The following PLCB4 variants were observed in gnomAD, a reference collection of about 807,000 sequenced individuals.
PLCB4 encodes the protein phospholipase C beta 4.
PLCB4 carries 77 observed loss-of-function variants against 178.8 expected under a neutral mutation model. The observed-to-expected ratio is 0.43, with a 90% confidence interval of 0.36 to 0.52. The LOEUF (loss-of-function observed/expected upper bound fraction) is 0.52. PLCB4 is among the 20% of genes least tolerant of loss of function. The pLI is 0.00. For synonymous variants in PLCB4, 496 were observed against 490.8 expected (o/e 1.01, Z -0.14); for missense variants, 1,024 against 1,453.4 (o/e 0.70, Z 4.80).
At chr20:9,243,212 G>T (rs993798372) in intron 3 of PLCB4, among the ~76,000 whole-genome samples, 19 of 152,104 alleles carry the variant, frequency 1.2e-4, no homozygotes, top group Admixed American at 8.5e-4. Flanking sequence ...ATTGTTAATA[G>T]AATAGAAATT....
At chr20:9,207,565 C>G (rs978994034) in intron 2 of PLCB4, among the ~76,000 whole-genome samples, 3 of 152,216 alleles carry the variant, frequency 2.0e-5, no homozygotes, top group Non-Finnish European at 2.9e-5. Flanking sequence ...GTCTGTGCTG[C>G]CTGTGGCTGG....
chr20:9,404,574 C>T (rs1292491285), intron 20 of PLCB4, among the ~76,000 whole-genome samples: 3 of 141,668 alleles, frequency 2.1e-5, no homozygotes, highest in African/African-American at 8.1e-5. Context: ...CACTGCACTC[C>T]AGCCTGGGCA....
chr20:9,424,242 T>C (rs1179394913), intron 28 of PLCB4, among the ~76,000 whole-genome samples: 1 of 152,220 alleles, frequency 6.6e-6, no homozygotes, highest in Non-Finnish European at 1.5e-5. Flanking sequence ...AGGGTATATT[T>C]ATATTGACAA....
intron 26 of PLCB4, 110 bp from the exon 27 acceptor site, chr20:9,421,187 G>T: frequency 1.3e-6 from 1 of 775,606 alleles, no homozygotes; most frequent in South Asian, 2.1e-5. Context: ...ATAGATAATT[G>T]AAATTCCTGC....
At chr20:9,183,947 T>G (rs1204629863) in intron 2 of PLCB4, among the ~76,000 whole-genome samples, 1 of 152,204 alleles carries the variant, frequency 6.6e-6, no homozygotes, top group Non-Finnish European at 1.5e-5. Context: ...AAAAATTCTA[T>G]AGTAAATATA....
intron 28 of PLCB4, among the ~76,000 whole-genome samples, chr20:9,435,293 G>A (rs1391811878): frequency 6.6e-6 from 1 of 152,234 alleles, no homozygotes; most frequent in Admixed American, 6.5e-5. Flanking sequence ...AGTTTGTCCT[G>A]ACACTTTGCC....
At chr20:9,101,136 G>A (rs1191102720) in intron 2 of PLCB4, among the ~76,000 whole-genome samples, 1 of 152,228 alleles carries the variant, frequency 6.6e-6, no homozygotes, top group African/African-American at 2.4e-5. Flanking sequence ...AAAGAAGTAT[G>A]GTGTGAAGCA....
At chr20:9,373,998 T>C (rs748601969) in intron 12 of PLCB4, among the ~76,000 whole-genome samples, 7 of 152,122 alleles carry the variant, frequency 4.6e-5, no homozygotes, top group Non-Finnish European at 7.4e-5. Context: ...CATTATACCA[T>C]ATAAAGAGAA....
rs1240890013 is a variant in PLCB4, at chr20:9,457,397, C to T, written c.2997-17C>T. On this transcript the variant is annotated splice_polypyrimidine_tract_variant and intron_variant, in intron 33 of 39. Coordinates refer to ENST00000378473, the MANE Select transcript of PLCB4 (RefSeq NM_001377142.1). ...ATATCTAATTTCTGGCATGCATTTGCAACTTTCCATTTTCAGGGGAAGTAA... is the reference window on the plus strand; with the variant it reads ...ATATCTAATTTCTGGCATGCATTTGTAACTTTCCATTTTCAGGGGAAGTAA... 2.3e-6 allele frequency: 3 copies of T among 1,326,020 alleles called. No homozygotes were observed. Among genetic ancestry groups the T allele is most frequent in the Admixed American group, 1.7e-5 (1 of 59,584 alleles). 82.1% of individuals were successfully genotyped at this position (1,326,020 alleles called of 1,614,324 possible).
At chr20:9,310,927 A>G (rs2094826064) in intron 4 of PLCB4, among the ~76,000 whole-genome samples, 1 of 152,186 alleles carries the variant, frequency 6.6e-6, no homozygotes, top group Admixed American at 6.5e-5. Flanking sequence ...CTGTGATTGT[A>G]TTGCCATGAC....
Position 9,401,590 on chromosome 20 carries a change from G to GCT in PLCB4, c.1611_1611+1insCT (p.Ala538LeufsTer18), listed in dbSNP as rs774030830. The GCT allele has an allele frequency of 6.3e-7, 1 of 1,597,164 alleles. No individual in the cohort carries two copies. The highest frequency in any genetic ancestry group is 2.2e-5 in the East Asian group (1 of 44,778). ...AAGCTGTTGCAAATAGCGTCAAGAA[G>GCT]GTCAGAGTCCCCTTTCTTTCATCAC... On this transcript the variant is annotated frameshift_variant and splice_region_variant. Coordinates refer to ENST00000378473, the MANE Select transcript of PLCB4 (RefSeq NM_001377142.1). LOFTEE classifies it high-confidence loss of function.
At chr20:9,456,151 C>G (rs1034189207) in intron 33 of PLCB4, among the ~76,000 whole-genome samples, 1 of 152,162 alleles carries the variant, frequency 6.6e-6, no homozygotes, top group Non-Finnish European at 1.5e-5. Flanking sequence ...GGACTTTTAA[C>G]TGCAACTGAG....
intron 2 of PLCB4, among the ~76,000 whole-genome samples, chr20:9,156,133 T>G (rs1304664909): frequency 3.9e-5 from 6 of 152,194 alleles, no homozygotes; most frequent in Non-Finnish European, 5.9e-5. Context: ...CTTTCAGTGC[T>G]TCTTCAGTCA....
At chr20:9,253,248 G>A (rs2147496404) in intron 3 of PLCB4, among the ~76,000 whole-genome samples, 1 of 152,262 alleles carries the variant, frequency 6.6e-6, no homozygotes, top group South Asian at 2.1e-4. Flanking sequence ...ATTTCCAGCA[G>A]AGCAAGGGAT....
intron 10 of PLCB4, among the ~76,000 whole-genome samples, chr20:9,371,679 A>T (rs1478386189): frequency 1.3e-5 from 2 of 152,242 alleles, no homozygotes; most frequent in Non-Finnish European, 2.9e-5. Flanking sequence ...ATTAGCATGA[A>T]TAATTAACTA....
intron 27 of PLCB4, 56 bp downstream of exon 27, chr20:9,421,517 G>A: frequency 7.1e-7 from 1 of 1,404,496 alleles, no homozygotes; most frequent in South Asian, 1.2e-5. Flanking sequence ...CCATGTTTTA[G>A]TTCACAGACG....
intron 2 of PLCB4, among the ~76,000 whole-genome samples, chr20:9,110,040 T>A (rs779656557): frequency 2.6e-5 from 4 of 151,994 alleles, no homozygotes; most frequent in Non-Finnish European, 5.9e-5. Context: ...GTTAGTAGAG[T>A]TTTTTAAAAT....
chr20:9,253,399 G>A (rs1271277052), intron 3 of PLCB4, among the ~76,000 whole-genome samples: 2 of 152,120 alleles, frequency 1.3e-5, no homozygotes, highest in East Asian at 1.9e-4. Flanking sequence ...AGCAAACAAG[G>A]TAGGGCTCCT....
intron 7 of PLCB4, among the ~76,000 whole-genome samples, chr20:9,362,325 A>C (rs35809639): frequency 0.036 from 5,523 of 152,260 alleles, 138 homozygotes; most frequent in Middle Eastern, 0.061. Context: ...ATGAACTACA[A>C]GTGAGGTCCA....
Sources: allele counts gnomAD v4.1 joint callset (sites outside exome capture counted in the v4.1 genomes callset), GRCh38; gene constraint gnomAD v4.1.1; transcripts MANE v1.5; gene names NCBI Gene and HGNC (gene_info 2026-07-23, HGNC 2026-07-21).